METTL9: variants seen among roughly 807,000 people sequenced by gnomAD.
METTL9 encodes the protein protein-L-histidine N-pros-methyltransferase.
METTL9 carries 10 observed loss-of-function variants against 36.0 expected under a neutral mutation model. The observed-to-expected ratio is 0.28, with a 90% CI of 0.17 to 0.47. The LOEUF (loss-of-function observed/expected upper bound fraction) is 0.47. METTL9 is among the 20% of genes least tolerant of loss of function. The probability of loss-of-function intolerance (pLI) is 0.99; values close to 1 mark genes in which losing one functional copy is unlikely to be tolerated. For synonymous variants in METTL9, 175 were observed against 149.7 expected (o/e 1.17, Z -1.23); for missense variants, 246 against 383.5 (o/e 0.64, Z 3.00).
intron 4 of METTL9, among the ~76,000 whole-genome samples, chr16:21,650,039 C>T (rs1966527187): frequency 6.6e-6 from 1 of 152,148 alleles, no homozygotes; most frequent in Non-Finnish European, 1.5e-5. Flanking sequence ...GTCACAGCTA[C>T]TCAGGAGGCT....
Position 21,632,501 on chromosome 16 carries a change from A to AT in METTL9, c.751+7387dup, listed in dbSNP as rs779564145. Among the ~76,000 whole-genome samples, 6 of 152,206 alleles carry AT rather than the reference A, an allele frequency of 3.9e-5. No homozygotes were observed. The East Asian group carries it at 1.2e-3, about 29-fold the overall frequency. ...CTTCTAAGAGATCATCTCGGGCCAC[A>AT]TAAGTCTGGACTATAATTTATTGGT... On this transcript the variant is annotated intron_variant, in intron 4 of 4. Transcript: ENST00000358154.
At chr16:21,646,824 T>C in intron 4 of METTL9, 1 of 362,310 alleles carries the variant, frequency 2.8e-6, no homozygotes, top group East Asian at 7.0e-5. Context: ...CGCGGCTAAT[T>C]TTTGTATTTT....
At chr16:21,637,308 T>G (rs1966124835) in intron 4 of METTL9, among the ~76,000 whole-genome samples, 1 of 152,148 alleles carries the variant, frequency 6.6e-6, no homozygotes, top group Non-Finnish European at 1.5e-5. Context: ...GAGTGCTGAT[T>G]GGTGCGTTTA....
rs948784045 is a variant in METTL9, at chr16:21,620,168, T to A, written c.566+2094T>A. 2.0e-5 allele frequency among the ~76,000 whole-genome samples: 3 copies of A among 152,314 alleles called. No homozygotes were observed. The South Asian group carries it at 6.2e-4, about 32-fold the overall frequency. On this transcript the variant is annotated intron_variant, in intron 3 of 4. Coordinates refer to ENST00000358154, the MANE Select transcript of METTL9 (RefSeq NM_016025.5). ...ATCGACCTTCCTAGCTTGAACTGTT[T>A]AAGTCCTTATCACTGTCAGTGTTTA... is the stretch of plus-strand genomic sequence containing the variant.
chr16:21,605,124 CAG>C (rs1370728865), intron 1 of METTL9, among the ~76,000 whole-genome samples: 3 of 151,994 alleles, frequency 2.0e-5, no homozygotes, highest in Non-Finnish European at 2.9e-5. Context: ...CTCACCAGCA[CAG>C]AGTTAATGGA....
In METTL9 at chr16:21,645,602, A is replaced by G. The variant is rs540422369; in HGVS notation, c.752-9625A>G. 7.2e-4 allele frequency among the ~76,000 whole-genome samples: 110 copies of G among 152,356 alleles called. 1 individual carries two copies. Among genetic ancestry groups the G allele is most frequent in the Non-Finnish European group, 1.3e-3 (86 of 68,038 alleles). On this transcript the variant is annotated intron_variant, in intron 4 of 4. Transcript: ENST00000358154. Reference sequence around the variant, plus strand: ...TTCAGTGTGAAAATAGGAGTTCTGTAGAAGAGACAGGAAGTTGCCATGTCT... The same window carrying G: ...TTCAGTGTGAAAATAGGAGTTCTGTGGAAGAGACAGGAAGTTGCCATGTCT...
At chr16:21,615,700 C>T (rs1965538338) in intron 2 of METTL9, among the ~76,000 whole-genome samples, 1 of 152,188 alleles carries the variant, frequency 6.6e-6, no homozygotes, top group Non-Finnish European at 1.5e-5. Flanking sequence ...TTGTGACTTA[C>T]TTTTGGTCCT....
chr16:21,606,546 A>G lies in METTL9; in HGVS notation c.166-6099A>G, dbSNP rs143443989. 1.8e-3 allele frequency among the ~76,000 whole-genome samples: 272 copies of G among 152,252 alleles called. 1 individual carries two copies. Among genetic ancestry groups the G allele is most frequent in the African/African-American group, 5.9e-3 (244 of 41,536 alleles). On this transcript the variant is annotated intron_variant, in intron 1 of 4. Coordinates refer to ENST00000358154, the MANE Select transcript of METTL9 (RefSeq NM_016025.5). ...CAGGACCCCATAGTTTAGGGGTGTCATTACATAGGCATGATTAGACTCAGT... is the reference window on the plus strand; with the variant it reads ...CAGGACCCCATAGTTTAGGGGTGTCGTTACATAGGCATGATTAGACTCAGT...
chr16:21,598,693 A>C (rs926332235), upstream of METTL9, among the ~76,000 whole-genome samples: 1 of 152,208 alleles, frequency 6.6e-6, no homozygotes, highest in Non-Finnish European at 1.5e-5. Flanking sequence ...TCCTCGTGTT[A>C]TAAATGATCA....
At chr16:21,601,888 A>G (rs1298474617) in intron 1 of METTL9, among the ~76,000 whole-genome samples, 1 of 152,138 alleles carries the variant, frequency 6.6e-6, no homozygotes, top group Non-Finnish European at 1.5e-5. Flanking sequence ...TTATTTTGAC[A>G]TGAATACATT....
intron 4 of METTL9, chr16:21,647,144 A>C: frequency 6.2e-7 from 1 of 1,614,158 alleles, no homozygotes; most frequent in Non-Finnish European, 8.5e-7. Flanking sequence ...TCTTACCACC[A>C]GTGTGGTCCC....
intron 4 of METTL9, chr16:21,652,959 C>G (rs776134103): frequency 2.0e-5 from 4 of 201,486 alleles, no homozygotes; most frequent in Non-Finnish European, 4.0e-5. Flanking sequence ...GGTACCTGCT[C>G]TGGGTGCCAC....
chr16:21,652,752 A>G (rs1257981605), intron 4 of METTL9: 14 of 566,400 alleles, frequency 2.5e-5, no homozygotes, highest in Non-Finnish European at 6.4e-6. Context: ...TTCACCATTT[A>G]ACATTGAGAT....
At chr16:21,654,964 T>C in intron 4 of METTL9, 1 of 486,010 alleles carries the variant, frequency 2.1e-6, no homozygotes, top group Non-Finnish European at 3.7e-6. Context: ...TGTGGGGCCT[T>C]GGATCCAGAC....
chr16:21,614,815 G>A (rs952965548), intron 2 of METTL9, among the ~76,000 whole-genome samples: 1 of 152,162 alleles, frequency 6.6e-6, no homozygotes, highest in Non-Finnish European at 1.5e-5. Flanking sequence ...CTTAAGTCTA[G>A]AGAGAACTTA....
chr16:21,631,308 A>G (rs976169950), intron 4 of METTL9, among the ~76,000 whole-genome samples: 1 of 152,196 alleles, frequency 6.6e-6, no homozygotes, highest in African/African-American at 2.4e-5. Context: ...AGGATAATAT[A>G]TGTTTACACT....
At chr16:21,641,602 A>G in intron 4 of METTL9, 1 of 1,537,318 alleles carries the variant, frequency 6.5e-7, no homozygotes, top group African/African-American at 1.4e-5. Flanking sequence ...TCCTGCAATA[A>G]TAAATAAATA....
At position 21,599,690 on chromosome 16, in the gene METTL9, G is replaced by A; in HGVS notation, c.-44G>A. ...GAGGCGGCGGTGCCTCCTCCTCCTC[G>A]CCCCGGCGCCGGCGGTGATCCGAGC... On this transcript the variant is annotated 5_prime_UTR_variant, in exon 1 of 5. Transcript: ENST00000358154. The surrounding 1 kb of genome is among the most constrained non-coding windows in gnomAD (Gnocchi z 4.4). 1 of 1,426,290 alleles carries A rather than the reference G, an allele frequency of 7.0e-7. No individual in the cohort carries two copies. The highest frequency in any genetic ancestry group is 9.1e-7 in the Non-Finnish European group (1 of 1,094,094). 88.4% of individuals were successfully genotyped at this position (1,426,290 alleles called of 1,614,324 possible).
intron 4 of METTL9, among the ~76,000 whole-genome samples, chr16:21,643,990 C>T (rs1567344744): frequency 6.6e-6 from 1 of 152,166 alleles, no homozygotes; most frequent in Non-Finnish European, 1.5e-5. Context: ...CACCTGCCCA[C>T]ACCTCACCCC....
Sources: gnomAD v4.1 joint callset for allele counts (sites outside exome capture counted in the v4.1 genomes callset) on GRCh38, gnomAD v4.1.1 for gene constraint, Gnocchi (gnomAD v3.1) non-coding constraint, MANE v1.5 for transcripts, NCBI Gene and HGNC (gene_info 2026-07-23, HGNC 2026-07-21) for gene names.